Variants in KCND2 observed in about 807,000 individuals in gnomAD.
The protein encoded by KCND2 is potassium voltage-gated channel subfamily D member 2, also known as A-type voltage-gated potassium channel KCND2.
KCND2 carries 16 observed loss-of-function variants against 54.4 expected under a neutral mutation model. That is an observed-to-expected ratio of 0.29 (90% confidence interval 0.20 to 0.45). KCND2 has a LOEUF of 0.45. Ranked by LOEUF, KCND2 falls within the 20% of genes least tolerant of loss-of-function variation. The probability of loss-of-function intolerance (pLI) is 1.00; values close to 1 mark genes in which losing one functional copy is unlikely to be tolerated. For synonymous variants in KCND2, 317 were observed against 310.7 expected (o/e 1.02, Z -0.21); for missense variants, 486 against 824.2 (o/e 0.59, Z 5.02).
At chr7:120,616,375 C>CTA (rs763465784) in intron 1 of KCND2, among the ~76,000 whole-genome samples, 20 of 152,234 alleles carry the variant, frequency 1.3e-4, no homozygotes, top group Non-Finnish European at 1.5e-4. Flanking sequence ...ATGCACTATT[C>CTA]TATATAGGGC....
chr7:120,471,564 C>T (rs903903900), intron 1 of KCND2, among the ~76,000 whole-genome samples: 4 of 151,988 alleles, frequency 2.6e-5, no homozygotes, highest in African/African-American at 9.7e-5. Context: ...AATGAGTGGA[C>T]AGAAATTTGA....
chr7:120,670,462 G>C (rs1038603528), intron 1 of KCND2, among the ~76,000 whole-genome samples: 1 of 152,082 alleles, frequency 6.6e-6, no homozygotes, highest in African/African-American at 2.4e-5. Context: ...GCCTGTCATA[G>C]GTCCATGGAT....
intron 1 of KCND2, among the ~76,000 whole-genome samples, chr7:120,404,558 A>C (rs1318066463): frequency 6.6e-6 from 1 of 152,208 alleles, no homozygotes; most frequent in Non-Finnish European, 1.5e-5. Flanking sequence ...AGATAACATT[A>C]GGCCAGGGAA....
intron 2 of KCND2, among the ~76,000 whole-genome samples, chr7:120,739,798 AACACACACACACACAC>A (rs10571787): frequency 0.032 from 4,651 of 144,054 alleles, 234 homozygotes; most frequent in African/African-American, 0.11. Flanking sequence ...TAACAAAAGA[AACACACACACACACAC>A]ACACACACAC....
chr7:120,530,825 G>GTAT (rs947273441), intron 1 of KCND2, among the ~76,000 whole-genome samples: 3 of 151,744 alleles, frequency 2.0e-5, no homozygotes, highest in Non-Finnish European at 4.4e-5. Context: ...TGACACTACC[G>GTAT]TATTATTATT....
rs148663327 is a variant in KCND2, at chr7:120,564,708, C to T, written c.1116-168195C>T. On this transcript the variant is annotated intron_variant, in intron 1 of 5. Transcript: ENST00000331113. Reference sequence around the variant, plus strand: ...AATAATTCTTATGAAATTATATAAGCGTTAAACATCTTATCTCTAATTTCT... The same window carrying T: ...AATAATTCTTATGAAATTATATAAGTGTTAAACATCTTATCTCTAATTTCT... Among the ~76,000 whole-genome samples the T allele has an allele frequency of 5.9e-5, 9 of 151,952 alleles. No homozygotes were observed. In the East Asian group the frequency reaches 1.2e-3, roughly 20 times the overall value.
At chr7:120,434,248 A>G (rs1488161308) in intron 1 of KCND2, among the ~76,000 whole-genome samples, 1 of 152,222 alleles carries the variant, frequency 6.6e-6, no homozygotes, top group African/African-American at 2.4e-5. Context: ...AGACAGTTTG[A>G]GTAAAACACA....
chr7:120,582,705 T>C (rs749879212), intron 1 of KCND2, among the ~76,000 whole-genome samples: 11 of 152,194 alleles, frequency 7.2e-5, no homozygotes, highest in Non-Finnish European at 1.3e-4. Flanking sequence ...TATTCTAAGA[T>C]ATATAATTAA....
At chr7:120,409,806 T>C (rs1801420816) in intron 1 of KCND2, among the ~76,000 whole-genome samples, 1 of 151,942 alleles carries the variant, frequency 6.6e-6, no homozygotes, top group South Asian at 2.1e-4. Context: ...CTTTATCTAA[T>C]ACATGTTCTG....
At chr7:120,701,938 A>C (rs1488611112) in intron 1 of KCND2, among the ~76,000 whole-genome samples, 1 of 152,246 alleles carries the variant, frequency 6.6e-6, no homozygotes, top group African/African-American at 2.4e-5. Flanking sequence ...CAATTGCAAC[A>C]AAAGCAAAAA....
At chr7:120,677,558 T>TGTAGATAG (rs1792081211) in intron 1 of KCND2, among the ~76,000 whole-genome samples, 1 of 143,874 alleles carries the variant, frequency 7.0e-6, no homozygotes, top group Admixed American at 6.9e-5. Context: ...GATATATAGA[T>TGTAGATAG]ATATAGATAT....
At chr7:120,449,207 T>C (rs1202666969) in intron 1 of KCND2, among the ~76,000 whole-genome samples, 2 of 151,722 alleles carry the variant, frequency 1.3e-5, no homozygotes, top group African/African-American at 4.8e-5. Context: ...CAGGTGCCTG[T>C]AGTCCTAGCT....
intron 1 of KCND2, among the ~76,000 whole-genome samples, chr7:120,589,557 G>A (rs1792644463): frequency 6.6e-6 from 1 of 152,150 alleles, no homozygotes; most frequent in South Asian, 2.1e-4. Flanking sequence ...TAAATGCTGG[G>A]ACAAGGCAGC....
chr7:120,513,018 A>T (rs1803143573), intron 1 of KCND2, among the ~76,000 whole-genome samples: 1 of 151,678 alleles, frequency 6.6e-6, no homozygotes. Flanking sequence ...CTGGTCTTGA[A>T]CTCCTGGCCT....
intron 1 of KCND2, among the ~76,000 whole-genome samples, chr7:120,471,747 C>A (rs115834829): frequency 6.6e-6 from 1 of 152,176 alleles, no homozygotes; most frequent in African/African-American, 2.4e-5. Flanking sequence ...ATTCTGAATT[C>A]TACCCTTAAT....
chr7:120,509,621 T>G (rs1803081676), intron 1 of KCND2, among the ~76,000 whole-genome samples: 1 of 152,052 alleles, frequency 6.6e-6, no homozygotes, highest in Non-Finnish European at 1.5e-5. Flanking sequence ...TGTCTTAATT[T>G]TGTTGTTGAT....
At chr7:120,397,367 T>C (rs1158852397) in intron 1 of KCND2, among the ~76,000 whole-genome samples, 2 of 152,014 alleles carry the variant, frequency 1.3e-5, no homozygotes, top group East Asian at 3.9e-4. Context: ...TTGATGCTAC[T>C]TTCACTTACT....
chr7:120,689,926 A>G (rs958467593), intron 1 of KCND2, among the ~76,000 whole-genome samples: 3 of 152,176 alleles, frequency 2.0e-5, no homozygotes, highest in African/African-American at 7.2e-5. Flanking sequence ...ACACTTACAG[A>G]GTATTTGCTA....
chr7:120,388,890 GTA>G (rs71155908), intron 1 of KCND2, among the ~76,000 whole-genome samples: 22 of 146,270 alleles, frequency 1.5e-4, no homozygotes, highest in African/African-American at 4.5e-4. Flanking sequence ...ATATATACAT[GTA>G]TATATATATA....
Sources: allele counts gnomAD v4.1 joint callset (sites outside exome capture counted in the v4.1 genomes callset), GRCh38; gene constraint gnomAD v4.1.1; transcripts MANE v1.5; gene names NCBI Gene and HGNC (gene_info 2026-07-23, HGNC 2026-07-21).